FMNL3: variants seen among roughly 807,000 people sequenced by gnomAD.
FMNL3 encodes the protein formin like 3.
In FMNL3, 57 loss-of-function variants were observed where a neutral mutation model predicts 119.6. The observed-to-expected ratio is 0.48, with a 90% confidence interval of 0.39 to 0.59. FMNL3 has a LOEUF of 0.59. Ranked by LOEUF, FMNL3 falls within the 20% of genes least tolerant of loss-of-function variation. FMNL3 has a pLI of 0.00. For synonymous variants in FMNL3, 491 were observed against 507.3 expected (o/e 0.97, Z 0.43); for missense variants, 1,053 against 1,323.5 (o/e 0.80, Z 3.17).
Position 49,644,304 on chromosome 12 carries a change from AG to A in FMNL3, c.*1510del. 8.2e-7 allele frequency: 1 copy of A among 1,214,570 alleles called. No individual in the cohort carries two copies. Among genetic ancestry groups the A allele is most frequent in the East Asian group, 2.5e-5 (1 of 39,570 alleles). The allele number at this position is 1,214,570 out of a possible 1,614,324, so 75.2% of individuals were successfully genotyped here. On this transcript the variant is annotated 3_prime_UTR_variant, in exon 26 of 26. Transcript: ENST00000335154. ...TCTGGTCTGTGTCCACTTTTTCTAA[AG>A]TAACCCCACCCCCAGCACACCATTG...
rs58117011 is a variant in FMNL3, at chr12:49,676,520, G to GTT, written c.127-7968_127-7967dup. Among the ~76,000 whole-genome samples the GTT allele has an allele frequency of 4.1e-3, 421 of 102,938 alleles. 1 individual carries two copies. Among genetic ancestry groups the GTT allele is most frequent in the Middle Eastern group, 9.5e-3 (2 of 210 alleles). 67.5% of individuals were successfully genotyped at this position (102,938 alleles called of 152,430 possible). ...GCACAAATTGAATGTTTCATAGTGG[G>GTT]TTTTTTTTTTTTTTTTTTTTTTTTG... On this transcript the variant is annotated intron_variant, in intron 1 of 25. Transcript: ENST00000335154.
intron 3 of FMNL3, 86 bp from the exon 4 acceptor site, chr12:49,665,994 G>A (rs1305337733): frequency 2.6e-6 from 4 of 1,552,198 alleles, no homozygotes; most frequent in Middle Eastern, 1.7e-4. Context: ...CCAGGCCCTT[G>A]GCCACAGAAC....
chr12:49,666,063 T>C (rs1943882487), intron 3 of FMNL3, 64 bp downstream of exon 3: 4 of 1,571,744 alleles, frequency 2.5e-6, no homozygotes, highest in Non-Finnish European at 3.5e-6. Flanking sequence ...TCAAAGGGTT[T>C]GCCCCCAAAC....
intron 5 of FMNL3, chr12:49,660,060 A>C (rs1203062882): frequency 3.3e-5 from 20 of 609,430 alleles, no homozygotes; most frequent in Non-Finnish European, 4.1e-5. Context: ...GGGGCTCTCA[A>C]GTAGACATCA....
In FMNL3 at chr12:49,649,278, T is replaced by C; in HGVS notation, c.2366A>G (p.Lys789Arg). The change falls in exon 20 of 26, where the codon AAG (lysine) becomes AGG (arginine). Residue 789 changes from lysine to arginine, a missense_variant. Lys to Arg is a conservative substitution (Grantham distance 26). Around this residue, in one of 4 missense-constraint regions of FMNL3, gnomAD observed 324 missense variants for 380.9 expected, o/e 0.85. Coordinates refer to ENST00000335154, the MANE Select transcript of FMNL3 (RefSeq NM_175736.5). This position sits in a 1 kb window ranked among gnomAD's most constrained non-coding sequence, Gnocchi z 5.6. ...SSKRGAVYGF[K>R]LQSLDLLLDT... is the part of the protein sequence containing the mutation. ...TCTTACCAGATCCAGGCTCTGGAGCTTGAAGCCATACACAGCTCCCCGCTT... is the reference window on the plus strand; with the variant it reads ...TCTTACCAGATCCAGGCTCTGGAGCCTGAAGCCATACACAGCTCCCCGCTT... The C allele has an allele frequency of 6.2e-7, 1 of 1,614,174 alleles. No homozygotes were observed. The highest frequency in any genetic ancestry group is 8.5e-7 in the Non-Finnish European group (1 of 1,180,032).
chr12:49,643,485 T>C lies in FMNL3; in HGVS notation c.*2330A>G, dbSNP rs1592626120. 1 of 1,476,952 alleles carries C rather than the reference T, an allele frequency of 6.8e-7. No individual in the cohort carries two copies. The highest frequency in any genetic ancestry group is 1.4e-5 in the African/African-American group (1 of 70,664). 91.5% of individuals were successfully genotyped at this position (1,476,952 alleles called of 1,614,324 possible). A position where few individuals can be genotyped will look rare whatever the true frequency, so the allele number is the denominator to read the frequency against. Reference sequence around the variant, plus strand: ...CCACAAGCCCCAGCTCCTTTGAGGGTAGACTGGATTGGGAGGGCTGCACCT... The same window carrying C: ...CCACAAGCCCCAGCTCCTTTGAGGGCAGACTGGATTGGGAGGGCTGCACCT... On this transcript the variant is annotated 3_prime_UTR_variant, in exon 26 of 26. Coordinates refer to ENST00000335154, the MANE Select transcript of FMNL3 (RefSeq NM_175736.5).
chr12:49,675,372 G>A (rs1592674148), intron 1 of FMNL3, among the ~76,000 whole-genome samples: 2 of 152,280 alleles, frequency 1.3e-5, no homozygotes, highest in South Asian at 4.1e-4. Flanking sequence ...TATTCTGCTG[G>A]GGGCAGCTTA....
In FMNL3 at chr12:49,641,955, C is replaced by T. The variant is rs1942726312; in HGVS notation, c.*3860G>A. Reference sequence around the variant, plus strand: ...TGAACACGGCCTTTGAGGACTTCGCCCACGTCATAAGCTTTGACAAGAGGG... The same window carrying T: ...TGAACACGGCCTTTGAGGACTTCGCTCACGTCATAAGCTTTGACAAGAGGG... On this transcript the variant is annotated 3_prime_UTR_variant, in exon 26 of 26. Coordinates refer to ENST00000335154, the MANE Select transcript of FMNL3 (RefSeq NM_175736.5). 6.2e-7 allele frequency: 1 copy of T among 1,613,958 alleles called. No individual in the cohort carries two copies. Among genetic ancestry groups the T allele is most frequent in the South Asian group, 1.1e-5 (1 of 91,088 alleles).
intron 1 of FMNL3, among the ~76,000 whole-genome samples, chr12:49,675,509 G>A (rs747125393): frequency 2.4e-4 from 37 of 152,300 alleles, no homozygotes; most frequent in Non-Finnish European, 4.4e-4. Flanking sequence ...CTACCTCTCA[G>A]AGGACACAAT....
In FMNL3 at chr12:49,647,036, G is replaced by A. The variant is rs756066971; in HGVS notation, c.2872-27C>T. On this transcript the variant is annotated intron_variant, in intron 24 of 25. Transcript: ENST00000335154. The surrounding 1 kb of genome is among the most constrained non-coding windows in gnomAD (Gnocchi z 4.9). ...TAGGGCCAAGAATGTGGAGGGGAAG[G>A]AAGTCATCACTAACCTAATGTGGGA... 11 of 1,613,768 alleles carry A rather than the reference G, an allele frequency of 6.8e-6. No individual in the cohort carries two copies. The highest frequency in any genetic ancestry group is 9.3e-6 in the Non-Finnish European group (11 of 1,179,830).
chr12:49,656,557 C>G, intron 8 of FMNL3, 60 bp from the exon 9 acceptor site: 5 of 1,463,628 alleles, frequency 3.4e-6, no homozygotes, highest in Admixed American at 1.8e-5. Flanking sequence ...CCACACAGCT[C>G]ATTTCCCTGA....
chr12:49,650,683 T>A lies in FMNL3; in HGVS notation c.1993A>T (p.Ile665Phe). The change falls in exon 17 of 26, where the codon ATT (isoleucine) becomes TTT (phenylalanine). Residue 665 changes from isoleucine to phenylalanine, a missense_variant. This residue lies in a region of FMNL3 where 445 missense variants were observed against 628.4 expected (regional missense o/e 0.71). Transcript: ENST00000335154. ...GGTCAGTGGGAGCCTCACGTATGAA[T>A]GGCCCTGCAGATCTCCTCAGCCGAG... ...GRSAEEICRA[I>F]HTFDLQTLPV... 6.2e-7 allele frequency: 1 copy of A among 1,613,110 alleles called. No homozygotes were observed. Among genetic ancestry groups the A allele is most frequent in the East Asian group, 2.2e-5 (1 of 44,872 alleles).
chr12:49,666,314 C>A (rs1283483560), intron 2 of FMNL3, 107 bp from the exon 3 acceptor site: 2 of 973,908 alleles, frequency 2.1e-6, no homozygotes, highest in African/African-American at 1.6e-5. Flanking sequence ...GGGACTCAGC[C>A]TCTCCAAGTT....
intron 1 of FMNL3, among the ~76,000 whole-genome samples, chr12:49,670,476 G>A (rs766390201): frequency 1.2e-4 from 18 of 152,180 alleles, no homozygotes; most frequent in Non-Finnish European, 1.0e-4. Context: ...CCAGGTCTGA[G>A]CTACAAGCCC....
intron 1 of FMNL3, among the ~76,000 whole-genome samples, chr12:49,687,632 CAAT>C (rs751427760): frequency 6.6e-5 from 10 of 152,210 alleles, no homozygotes; most frequent in Non-Finnish European, 8.8e-5. Flanking sequence ...TCCCCAACAA[CAAT>C]GTGAATGCTA....
intron 1 of FMNL3, among the ~76,000 whole-genome samples, chr12:49,680,242 T>C (rs909703131): frequency 2.0e-5 from 3 of 152,240 alleles, no homozygotes; most frequent in Non-Finnish European, 4.4e-5. Context: ...TAAGAGCTTA[T>C]TATAAAGCCA....
At chr12:49,658,296 C>T in intron 6 of FMNL3, 146 bp downstream of exon 6, 1 of 1,225,568 alleles carries the variant, frequency 8.2e-7, no homozygotes, top group Non-Finnish European at 1.1e-6. Flanking sequence ...AGAAGACAGA[C>T]CAGAGACAGA....
rs755672640 is a variant in FMNL3, at chr12:49,651,319, CAG to C, written c.1673-29_1673-28del. The C allele has an allele frequency of 5.0e-6, 8 of 1,607,698 alleles. No homozygotes were observed. The East Asian group carries it at 1.1e-4, about 23-fold the overall frequency. ...TAATTTGGAAGGAGGATCAGTGACA[CAG>C]GGGCCAAGGACACACACCCCTGGTC... On this transcript the variant is annotated intron_variant, in intron 15 of 25. Transcript: ENST00000335154.
chr12:49,649,347 A>G lies in FMNL3; in HGVS notation c.2305-8T>C. On this transcript the variant is annotated splice_region_variant and splice_polypyrimidine_tract_variant and intron_variant, in intron 19 of 25. Coordinates refer to ENST00000335154, the MANE Select transcript of FMNL3 (RefSeq NM_175736.5). This position sits in a 1 kb window ranked among gnomAD's most constrained non-coding sequence, Gnocchi z 5.6. ...CCCCAGTGCAAGTATGATCTGTCCA[A>G]AGAATGTGTGGGAGGCAGGTCAGGC... The G allele has an allele frequency of 1.2e-6, 2 of 1,614,082 alleles. No homozygotes were observed. The highest frequency in any genetic ancestry group is 1.7e-6 in the Non-Finnish European group (2 of 1,179,996).
Sources: allele counts gnomAD v4.1 joint callset (sites outside exome capture counted in the v4.1 genomes callset), GRCh38; gene constraint gnomAD v4.1.1; regional missense constraint gnomAD v4.1.1; non-coding constraint Gnocchi (gnomAD v3.1); transcripts MANE v1.5; gene names NCBI Gene and HGNC (gene_info 2026-07-23, HGNC 2026-07-21).